The following NUAK1 variants were observed in gnomAD, a reference collection of about 807,000 sequenced individuals.
NUAK1 encodes the protein NUAK family kinase 1, also known as NUAK family SNF1-like kinase 1.
NUAK1 carries 26 observed loss-of-function variants against 56.9 expected under a neutral mutation model. The observed-to-expected ratio is 0.46, with a 90% confidence interval of 0.33 to 0.63. The LOEUF (loss-of-function observed/expected upper bound fraction) is 0.63, where lower values mean the gene tolerates loss of function less well. Ranked by LOEUF, NUAK1 falls within the 30% of genes least tolerant of loss-of-function variation. The probability of loss-of-function intolerance (pLI) is 0.02; values close to 1 mark genes in which losing one functional copy is unlikely to be tolerated. For missense variants in NUAK1, 727 were observed against 876.1 expected (o/e 0.83, Z 2.15); for synonymous variants, 337 against 336.0 (o/e 1.00, Z -0.03).
intron 3 of NUAK1, 36 bp downstream of exon 3, chr12:106,086,698 T>C (rs2032573718): frequency 1.3e-6 from 2 of 1,584,078 alleles, no homozygotes; most frequent in Non-Finnish European, 1.7e-6. Flanking sequence ...ATAAAAACCA[T>C]CTACGGCCAA....
Position 106,067,199 on chromosome 12 carries a change from T to C in NUAK1, c.1589A>G (p.Lys530Arg). 1.2e-6 allele frequency: 2 copies of C among 1,614,034 alleles called. No homozygotes were observed. Among genetic ancestry groups the C allele is most frequent in the Non-Finnish European group, 8.5e-7 (1 of 1,180,006 alleles). ...RRKGILKHSS[K>R]YSAGTMDPAL... The stretch of plus-strand genomic sequence containing the variant: ...TGGGTCCATGGTGCCCGCTGAGTAT[T>C]TGCTGCTGTGTTTCAAGATGCCCTT... Residue 530 changes from lysine to arginine, a missense_variant, in exon 7 of 7, where the codon AAA (lysine) becomes AGA (arginine). Transcript: ENST00000261402. This position sits in a 1 kb window ranked among gnomAD's most constrained non-coding sequence, Gnocchi z 6.0.
chr12:106,075,318 C>CACACAG (rs142856878), intron 4 of NUAK1, among the ~76,000 whole-genome samples: 1,768 of 146,764 alleles, frequency 0.012, 36 homozygotes, highest in East Asian at 0.077. Context: ...CACACACACA[C>CACACAG]AGAGAGAGAG....
intron 1 of NUAK1, among the ~76,000 whole-genome samples, chr12:106,119,304 C>G (rs1186190552): frequency 6.6e-6 from 1 of 151,526 alleles, no homozygotes; most frequent in African/African-American, 2.4e-5. Flanking sequence ...TCAGCCACAT[C>G]CTAACTGAGT....
At position 106,065,462 on chromosome 12, in the gene NUAK1, G is replaced by A. The variant is rs1263101437; in HGVS notation, c.*1340C>T. On this transcript the variant is annotated 3_prime_UTR_variant, in exon 7 of 7. Coordinates refer to ENST00000261402, the MANE Select transcript of NUAK1 (RefSeq NM_014840.3). ...CTTTCAACACCTTATTCATTTAAAT[G>A]AATGGAACTTTCTCTTCCCCCAAAG... is the stretch of plus-strand genomic sequence containing the variant. 6.6e-6 allele frequency: 1 copy of A among 151,918 alleles called. No homozygotes were observed. Among genetic ancestry groups the A allele is most frequent in the Non-Finnish European group, 1.5e-5 (1 of 68,020 alleles). The allele number at this position is 151,918 out of a possible 1,614,324, so 9.4% of individuals were successfully genotyped here. A position where few individuals can be genotyped will look rare whatever the true frequency, so the allele number is the denominator to read the frequency against.
intron 2 of NUAK1, among the ~76,000 whole-genome samples, chr12:106,105,168 G>A (rs2032788593): frequency 6.6e-6 from 1 of 152,020 alleles, no homozygotes; most frequent in Non-Finnish European, 1.5e-5. Context: ...GGCCAGGCTG[G>A]TCTCGAACTC....
At position 106,138,088 on chromosome 12, in the gene NUAK1, G is replaced by A. The variant is rs1036954932; in HGVS notation, c.240+326C>T. Among the ~76,000 whole-genome samples the A allele has an allele frequency of 6.6e-5, 10 of 152,230 alleles. No homozygotes were observed. Among genetic ancestry groups the A allele is most frequent in the Non-Finnish European group, 1.2e-4 (8 of 68,044 alleles). Reference sequence around the variant, plus strand: ...GGGCATGGTCTAAATGAGTGCCTGCGAGGGAGAGAGACCCCGGCCGTCCCA... The same window carrying A: ...GGGCATGGTCTAAATGAGTGCCTGCAAGGGAGAGAGACCCCGGCCGTCCCA... On this transcript the variant is annotated intron_variant, in intron 1 of 6. Coordinates refer to ENST00000261402, the MANE Select transcript of NUAK1 (RefSeq NM_014840.3). The surrounding 1 kb of genome is among the most constrained non-coding windows in gnomAD (Gnocchi z 5.0).
chr12:106,106,757 T>G (rs1027895554), intron 1 of NUAK1, among the ~76,000 whole-genome samples: 3 of 152,314 alleles, frequency 2.0e-5, no homozygotes, highest in African/African-American at 4.8e-5. Context: ...GGTGGTTTTG[T>G]TTTTGTTTTT....
At chr12:106,106,273 G>T in intron 2 of NUAK1, 132 bp downstream of exon 2, 2 of 750,916 alleles carry the variant, frequency 2.7e-6, no homozygotes, top group South Asian at 2.1e-5. Context: ...GATAACACCC[G>T]ACTATTTTTG....
rs776767224 is a variant in NUAK1, at chr12:106,070,751, C to T, written c.832+23G>A. 18 of 1,614,020 alleles carry T rather than the reference C, an allele frequency of 1.1e-5. No individual in the cohort carries two copies. In the East Asian group the frequency reaches 3.1e-4, roughly 28 times the overall value. ...AGATCTCTCTCCCCTCCACCTCTGA[C>T]CCTCCCTCCACAGGGCACGCACCTG... On this transcript the variant is annotated intron_variant, in intron 6 of 6. Transcript: ENST00000261402.
At chr12:106,109,535 ATTGT>A (rs933906669) in intron 1 of NUAK1, among the ~76,000 whole-genome samples, 1 of 134,958 alleles carries the variant, frequency 7.4e-6, no homozygotes, top group Non-Finnish European at 1.6e-5. Context: ...TGATTGTCAT[ATTGT>A]TTAAGGGTTG....
rs771291112 is a variant in NUAK1, at chr12:106,086,808, G to A, written c.439C>T (p.Arg147Trp). The A allele has an allele frequency of 3.1e-6, 5 of 1,613,992 alleles. No homozygotes were observed. The highest frequency in any genetic ancestry group is 1.1e-5 in the South Asian group (1 of 91,062). ...KGELYDYISE[R>W]RRLSERETRH... ...GTCTCCCTCTCACTGAGGCGTCGCCGCTCACTGATGTAATCGTACAGCTCC... is the reference window on the plus strand; with the variant it reads ...GTCTCCCTCTCACTGAGGCGTCGCCACTCACTGATGTAATCGTACAGCTCC... Residue 147 changes from arginine to tryptophan, a missense_variant, in exon 3 of 7, where the codon CGG (arginine) becomes TGG (tryptophan). Transcript: ENST00000261402.
chr12:106,071,726 A>G (rs138391811), intron 5 of NUAK1, among the ~76,000 whole-genome samples: 1 of 152,344 alleles, frequency 6.6e-6, no homozygotes, highest in African/African-American at 2.4e-5. Flanking sequence ...AATATTCATT[A>G]TCTATGAGAA....
chr12:106,075,872 C>G (rs1263039908), intron 4 of NUAK1, among the ~76,000 whole-genome samples: 3 of 152,238 alleles, frequency 2.0e-5, no homozygotes, highest in African/African-American at 7.2e-5. Context: ...TCCGGCCTAG[C>G]CTGCAGCAGC....
chr12:106,130,666 C>A (rs564505478), intron 1 of NUAK1, among the ~76,000 whole-genome samples: 1 of 152,206 alleles, frequency 6.6e-6, no homozygotes, highest in African/African-American at 2.4e-5. Flanking sequence ...GTGAATGGGC[C>A]CCAGCCCGCG....
chr12:106,108,002 T>C (rs576925572), intron 1 of NUAK1, among the ~76,000 whole-genome samples: 81 of 152,104 alleles, frequency 5.3e-4, no homozygotes, highest in African/African-American at 1.9e-3. Context: ...CTTAACACCA[T>C]GCTTGGCATA....
intron 1 of NUAK1, among the ~76,000 whole-genome samples, chr12:106,120,912 T>G (rs1180225249): frequency 2.6e-5 from 4 of 152,218 alleles, no homozygotes; most frequent in African/African-American, 9.6e-5. Context: ...CTTGAACTTC[T>G]GCTGTCAGCA....
chr12:106,138,332 A>C lies in NUAK1; in HGVS notation c.240+82T>G. On this transcript the variant is annotated intron_variant, in intron 1 of 6. Transcript: ENST00000261402. This position sits in a 1 kb window ranked among gnomAD's most constrained non-coding sequence, Gnocchi z 5.0. ...CTCTGTCAAGAGAGCCCCAGGGCGC[A>C]CAGACCCCCGCCTCGCACGCCCTCA... 1 of 1,499,020 alleles carries C rather than the reference A, an allele frequency of 6.7e-7. No individual in the cohort carries two copies. Among genetic ancestry groups the C allele is most frequent in the Non-Finnish European group, 8.8e-7 (1 of 1,131,034 alleles). The allele number at this position is 1,499,020 out of a possible 1,614,324, so 92.9% of individuals were successfully genotyped here.
In NUAK1 at chr12:106,126,898, G is replaced by A. The variant is rs375342581; in HGVS notation, c.240+11516C>T. ...CAGCCAGGAGCCTCTGGCCTCACTG[G>A]GACCAAAAGCAAAGCCCCTTTAAAG... On this transcript the variant is annotated intron_variant, in intron 1 of 6. Transcript: ENST00000261402. 3.9e-5 allele frequency among the ~76,000 whole-genome samples: 6 copies of A among 152,120 alleles called. No homozygotes were observed. The East Asian group carries it at 7.7e-4, about 20-fold the overall frequency.
rs772183684 is a variant in NUAK1 at position 106,067,911 on chromosome 12, G to A, written c.877C>T (p.Arg293Cys). 10 of 1,613,626 alleles carry A rather than the reference G, an allele frequency of 6.2e-6. No homozygotes were observed. The highest frequency in any genetic ancestry group is 1.7e-5 in the Admixed American group (1 of 60,012). ...GCAATGTCCTCAATAGTGGCCCGGC[G>A]ATCGGGGTTCACCATCAGCATCCAC... Reference protein sequence around the residue: ...IRWMLMVNPDRRATIEDIANH... With the variant: ...IRWMLMVNPDCRATIEDIANH... The change falls in exon 7 of 7, where the codon CGC (arginine) becomes TGC (cysteine). Residue 293 changes from arginine (R) to cysteine (C), a missense_variant. Physicochemically the swap from Arg to Cys is radical, Grantham distance 180. Coordinates refer to ENST00000261402, the MANE Select transcript of NUAK1 (RefSeq NM_014840.3). The surrounding 1 kb of genome is among the most constrained non-coding windows in gnomAD (Gnocchi z 6.0).
Sources: allele counts gnomAD v4.1 joint callset (sites outside exome capture counted in the v4.1 genomes callset), GRCh38; gene constraint gnomAD v4.1.1; non-coding constraint Gnocchi (gnomAD v3.1); transcripts MANE v1.5; gene names NCBI Gene and HGNC (gene_info 2026-07-23, HGNC 2026-07-21).